Variants in SAMD9L observed in about 807,000 individuals in gnomAD.
SAMD9L encodes sterile alpha motif domain containing 9 like, also known as sterile alpha motif domain-containing protein 9-like.
A neutral mutation model predicts 90.7 loss-of-function variants in SAMD9L; 68 were observed. The observed-to-expected ratio is 0.75, with a 90% CI of 0.62 to 0.92. The LOEUF is 0.92. Ranked by LOEUF, SAMD9L falls within the 40% of genes least tolerant of loss-of-function variation. The probability of loss-of-function intolerance (pLI) is 0.00; values close to 1 mark genes in which losing one functional copy is unlikely to be tolerated. For synonymous variants in SAMD9L, 640 were observed against 630.1 expected, an observed-to-expected ratio of 1.02 and a Z score of -0.23; for missense variants, 1,604 against 1,824.3, an observed-to-expected ratio of 0.88 and a Z score of 2.20.
Position 93,135,349 on chromosome 7 carries a change from G to T in SAMD9L, c.623C>A (p.Ala208Asp). ...TTTCATCTTAATGTCCACTTCCGTG[G>T]CTGTTTCTGTGTTTGTGAGAGCTTT... ...EFKALTNTET[A>D]TEVDIKMKFS... Residue 208 changes from alanine (A) to aspartate (D), a missense_variant, in exon 5 of 5, where the codon GCC becomes GAC. By Grantham distance (126) the Ala-to-Asp change is moderately radical. Coordinates refer to ENST00000318238, the MANE Select transcript of SAMD9L (RefSeq NM_152703.5). 1 of 1,614,106 alleles carries T rather than the reference G, an allele frequency of 6.2e-7. No homozygotes were observed. Among genetic ancestry groups the T allele is most frequent in the African/African-American group, 1.3e-5 (1 of 75,044 alleles).
rs2116558288 is a variant in SAMD9L, at chr7:93,145,369, A to G, written c.-123+16T>C. 1 of 152,362 alleles carries G rather than the reference A, an allele frequency of 6.6e-6. No homozygotes were observed. Among genetic ancestry groups the G allele is most frequent in the South Asian group, 2.1e-4 (1 of 4,834 alleles). The allele number at this position is 152,362 out of a possible 1,614,324, so 9.4% of individuals were successfully genotyped here. A position where few individuals can be genotyped will look rare whatever the true frequency, so the allele number is the denominator to read the frequency against. ...AGAGAGTTGATTAAACAAGACTTTAATGATTAGAAACTTACCAGGGCTTTT... is the reference window on the plus strand; with the variant it reads ...AGAGAGTTGATTAAACAAGACTTTAGTGATTAGAAACTTACCAGGGCTTTT... On this transcript the variant is annotated intron_variant, in intron 3 of 4. Coordinates refer to ENST00000318238, the MANE Select transcript of SAMD9L (RefSeq NM_152703.5).
rs527521182 is a variant in SAMD9L at position 93,130,556 on chromosome 7, T to C, written c.*661A>G. The C allele has an allele frequency of 6.6e-6, 1 of 152,072 alleles. No individual in the cohort carries two copies. The highest frequency in any genetic ancestry group is 1.9e-4 in the East Asian group (1 of 5,174). 9.4% of individuals were successfully genotyped at this position (152,072 alleles called of 1,614,324 possible). A position where few individuals can be genotyped will look rare whatever the true frequency, so the allele number is the denominator to read the frequency against. On this transcript the variant is annotated 3_prime_UTR_variant, in exon 5 of 5. Coordinates refer to ENST00000318238, the MANE Select transcript of SAMD9L (RefSeq NM_152703.5). ...TTAAAGGAAGAGATTCACCTGTAAA[T>C]GGGAACAAGAGAATGGAGAGAGTTC... is the stretch of plus-strand genomic sequence containing the variant.
chr7:93,136,773 C>T (rs946554228), intron 4 of SAMD9L, among the ~76,000 whole-genome samples: 1 of 152,150 alleles, frequency 6.6e-6, no homozygotes, highest in South Asian at 2.1e-4. Context: ...GGTTCTTAAC[C>T]TTGGTTAAAC....
intron 4 of SAMD9L, among the ~76,000 whole-genome samples, chr7:93,136,635 A>G (rs978955941): frequency 5.9e-5 from 9 of 152,222 alleles, no homozygotes; most frequent in African/African-American, 2.2e-4. Flanking sequence ...GATAGGGAAA[A>G]TAGTATGAGT....
chr7:93,134,891 C>T lies in SAMD9L; in HGVS notation c.1081G>A (p.Val361Ile), dbSNP rs140764553. ...TTTTGTAAAAATGCCTTGAAATCTA[C>T]ATCCCGTTGCTTGGAATTGGCCAGG... ...DILANSKQRD[V>I]DFKAFLQNLK... is the part of the protein sequence containing the mutation. The change falls in exon 5 of 5, where the codon GTA becomes ATA. Residue 361 changes from valine (V) to isoleucine (I), a missense_variant. By Grantham distance (29) the Val-to-Ile change is conservative. This residue lies in a region of SAMD9L where 606 missense variants were observed against 717.6 expected (regional missense o/e 0.84). Coordinates refer to ENST00000318238, the MANE Select transcript of SAMD9L (RefSeq NM_152703.5). 21 of 1,614,020 alleles carry T rather than the reference C, an allele frequency of 1.3e-5. No homozygotes were observed. The African/African-American group carries it at 2.7e-4, about 20-fold the overall frequency.
At position 93,135,824 on chromosome 7, in the gene SAMD9L, A is replaced by G; in HGVS notation, c.148T>C (p.Leu50=). 3 of 1,614,042 alleles carry G rather than the reference A, an allele frequency of 1.9e-6. No individual in the cohort carries two copies. In the South Asian group the frequency reaches 3.3e-5, roughly 18 times the overall value. ...EEVTGLVLQE[L]TEKDLVEMGL... is the part of the protein sequence containing the mutation. ...ATTTCTACAAGGTCCTTCTCAGTTA[A>G]TTCCTGCAGGACTAATCCTGTTACT... Residue 50 remains leucine (L), a synonymous_variant, in exon 5 of 5, where the codon TTA becomes CTA. Transcript: ENST00000318238.
chr7:93,143,779 T>C (rs956103385), intron 4 of SAMD9L, among the ~76,000 whole-genome samples: 2 of 152,244 alleles, frequency 1.3e-5, no homozygotes, highest in African/African-American at 4.8e-5. Flanking sequence ...CTGTCAATTA[T>C]AAGCATCTTA....
In SAMD9L at chr7:93,131,377, T is replaced by C; in HGVS notation, c.4595A>G (p.Lys1532Arg). ...LRRLTGQAEG[K>R]LISVEYGTEE... ...TGTTCCATATTCTACAGAGATTAGC[T>C]TGCCTTCAGCCTGACCAGTTAGACG... The change falls in exon 5 of 5, where the codon AAG (lysine) becomes AGG (arginine). Residue 1532 changes from lysine (K) to arginine (R), a missense_variant. Physicochemically the swap from Lys to Arg is conservative, Grantham distance 26. Transcript: ENST00000318238. The C allele has an allele frequency of 1.2e-6, 2 of 1,613,700 alleles. No homozygotes were observed. Among genetic ancestry groups the C allele is most frequent in the Non-Finnish European group, 1.7e-6 (2 of 1,179,822 alleles).
At position 93,134,892 on chromosome 7, in the gene SAMD9L, A is replaced by G; in HGVS notation, c.1080T>C (p.Asp360=). Residue 360 remains aspartate, a synonymous_variant, in exon 5 of 5, where the codon GAT becomes GAC. Transcript: ENST00000318238. ...TTTGTAAAAATGCCTTGAAATCTAC[A>G]TCCCGTTGCTTGGAATTGGCCAGGA... The part of the protein sequence containing the change: ...RDILANSKQR[D]VDFKAFLQNL... 1 of 1,613,986 alleles carries G rather than the reference A, an allele frequency of 6.2e-7. No homozygotes were observed. Among genetic ancestry groups the G allele is most frequent in the Non-Finnish European group, 8.5e-7 (1 of 1,179,946 alleles).
At position 93,133,376 on chromosome 7, in the gene SAMD9L, GTT is replaced by G; in HGVS notation, c.2594_2595del (p.Glu865AlafsTer12). The G allele has an allele frequency of 6.2e-7, 1 of 1,613,654 alleles. No individual in the cohort carries two copies. The highest frequency in any genetic ancestry group is 8.5e-7 in the Non-Finnish European group (1 of 1,179,682). On this transcript the variant is annotated frameshift_variant, in exon 5 of 5. Transcript: ENST00000318238. LOFTEE classifies it high-confidence loss of function. ...IALNYQLSSK[E>X]QRAFGAKLKE... ...TTCAGTTTGGCACCAAAAGCTCTTT[GTT>G]CCTTGGAAGAAAGTTGGTAATTTAG...
At position 93,134,900 on chromosome 7, in the gene SAMD9L, G is replaced by T. The variant is rs377293181; in HGVS notation, c.1072C>A (p.Gln358Lys). The change falls in exon 5 of 5, where the codon CAA becomes AAA. Residue 358 changes from glutamine (Q) to lysine (K), a missense_variant. Physicochemically the swap from Gln to Lys is moderately conservative, Grantham distance 53. This residue lies in a region of SAMD9L where 606 missense variants were observed against 717.6 expected (regional missense o/e 0.84). Coordinates refer to ENST00000318238, the MANE Select transcript of SAMD9L (RefSeq NM_152703.5). ...SSRDILANSK[Q>K]RDVDFKAFLQ... ...AATGCCTTGAAATCTACATCCCGTT[G>T]CTTGGAATTGGCCAGGATATCCCTA... The T allele has an allele frequency of 1.2e-6, 2 of 1,613,818 alleles. No homozygotes were observed. The highest frequency in any genetic ancestry group is 1.7e-6 in the Non-Finnish European group (2 of 1,179,938).
Position 93,134,349 on chromosome 7 carries a change from T to C in SAMD9L, c.1623A>G (p.Gly541=), listed in dbSNP as rs1792310190. 5.0e-6 allele frequency: 8 copies of C among 1,611,110 alleles called. No individual in the cohort carries two copies. The East Asian group carries it at 1.8e-4, about 36-fold the overall frequency. Residue 541 remains glycine, a synonymous_variant, in exon 5 of 5, where the codon GGA becomes GGG. Coordinates refer to ENST00000318238, the MANE Select transcript of SAMD9L (RefSeq NM_152703.5). ...FLTDENIMTR[G]KFLVVFLLLS... is the part of the protein sequence containing the mutation. ...GTAATAGAAACACTACCAAAAATTT[T>C]CCTCTTGTCATTATATTTTCATCTG...
Position 93,131,877 on chromosome 7 carries a change from G to T in SAMD9L, c.4095C>A (p.Ala1365=). 6.2e-7 allele frequency: 1 copy of T among 1,611,996 alleles called. No homozygotes were observed. The highest frequency in any genetic ancestry group is 8.5e-7 in the Non-Finnish European group (1 of 1,179,848). Residue 1365 remains alanine (A), a synonymous_variant, in exon 5 of 5, where the codon GCC becomes GCA. Transcript: ENST00000318238. ...TTMESIVNEY[A]FLLQQNSKKP... ...TTTTTGAGTTTTGCTGCAGTAGGAAGGCATATTCATTCACTATACTTTCCA... is the reference window on the plus strand; with the variant it reads ...TTTTTGAGTTTTGCTGCAGTAGGAATGCATATTCATTCACTATACTTTCCA...
rs560813720 is a variant in SAMD9L, at chr7:93,134,454, G to A, written c.1518C>T (p.Ser506=). The A allele has an allele frequency of 8.1e-6, 13 of 1,613,804 alleles. No individual in the cohort carries two copies. The highest frequency in any genetic ancestry group is 1.7e-5 in the Admixed American group (1 of 59,988). The change falls in exon 5 of 5, where the codon AGC becomes AGT. Residue 506 remains serine (S), a synonymous_variant. Coordinates refer to ENST00000318238, the MANE Select transcript of SAMD9L (RefSeq NM_152703.5). ...GTGGTTCTAGAGGTTTATATGTCTC[G>A]CTTTTCAGGTCTGATCTGCCGTTGC... ...IFCNGRSDLK[S]ETYKPLEPHL... is the part of the protein sequence containing the mutation.
intron 4 of SAMD9L, among the ~76,000 whole-genome samples, chr7:93,136,462 A>G (rs1053144756): frequency 6.6e-6 from 1 of 152,200 alleles, no homozygotes; most frequent in African/African-American, 2.4e-5. Context: ...TTGGTTAAAT[A>G]ATCTGTTTTC....
At chr7:93,144,493 G>T (rs768776417) in intron 4 of SAMD9L, among the ~76,000 whole-genome samples, 4 of 152,180 alleles carry the variant, frequency 2.6e-5, no homozygotes, top group Non-Finnish European at 4.4e-5. Context: ...GATGTGTATA[G>T]GTTATATGCA....
rs1792281340 is a variant in SAMD9L at position 93,133,955 on chromosome 7, T to G, written c.2017A>C (p.Lys673Gln). 1.9e-6 allele frequency: 3 copies of G among 1,613,770 alleles called. No individual in the cohort carries two copies. Among genetic ancestry groups the G allele is most frequent in the Non-Finnish European group, 2.5e-6 (3 of 1,179,880 alleles). ...TTCTTAAACTCCAGGAATTTAGATT[T>G]GTCTTTCTCGATGTCTGTCTCTGTA... Reference protein sequence around the residue: ...ECTETDIEKDKSKFLEFKKSK... With the variant: ...ECTETDIEKDQSKFLEFKKSK... The change falls in exon 5 of 5, where the codon AAA (lysine) becomes CAA (glutamine). Residue 673 changes from lysine to glutamine, a missense_variant. Lys to Gln is a moderately conservative substitution (Grantham distance 53). This residue lies in a region of SAMD9L where 606 missense variants were observed against 717.6 expected (regional missense o/e 0.84). Transcript: ENST00000318238.
At chr7:93,140,250 A>G (rs1160805942) in intron 4 of SAMD9L, among the ~76,000 whole-genome samples, 1 of 148,932 alleles carries the variant, frequency 6.7e-6, no homozygotes, top group Non-Finnish European at 1.5e-5. Flanking sequence ...ATGGCCCTTC[A>G]TACTCTGACT....
chr7:93,137,189 A>G (rs1413280846), intron 4 of SAMD9L, among the ~76,000 whole-genome samples: 1 of 152,224 alleles, frequency 6.6e-6, no homozygotes, highest in African/African-American at 2.4e-5. Context: ...GACCTGGACC[A>G]GTACCAGTCT....
Sources: allele counts gnomAD v4.1 joint callset (sites outside exome capture counted in the v4.1 genomes callset), GRCh38; gene constraint gnomAD v4.1.1; regional missense constraint gnomAD v4.1.1; transcripts MANE v1.5; gene names NCBI Gene and HGNC (gene_info 2026-07-23, HGNC 2026-07-21).